The following ARFGEF2 variants were observed in gnomAD, a reference collection of about 807,000 sequenced individuals.
ARFGEF2 encodes the protein ARF guanine nucleotide exchange factor 2.
A neutral mutation model predicts 219.9 loss-of-function variants in ARFGEF2; 74 were observed. The observed-to-expected ratio is 0.34, with a 90% CI of 0.28 to 0.41. ARFGEF2 has a LOEUF of 0.41. ARFGEF2 is among the 10% of genes least tolerant of loss of function. The probability of loss-of-function intolerance (pLI) is 1.00; values close to 1 mark genes in which losing one functional copy is unlikely to be tolerated. For missense variants in ARFGEF2, 1,743 were observed against 2,218.3 expected (o/e 0.79, Z 4.30); for synonymous variants, 733 against 799.2 (o/e 0.92, Z 1.40).
chr20:48,978,606 G>A (rs1402416017), intron 14 of ARFGEF2, among the ~76,000 whole-genome samples: 1 of 152,172 alleles, frequency 6.6e-6, no homozygotes, highest in Non-Finnish European at 1.5e-5. Context: ...CCATGAGCAT[G>A]GAATGTTCTT....
intron 34 of ARFGEF2, among the ~76,000 whole-genome samples, chr20:49,021,399 C>G (rs958683234): frequency 6.6e-6 from 1 of 152,122 alleles, no homozygotes; most frequent in Non-Finnish European, 1.5e-5. Flanking sequence ...AAAGGAATCT[C>G]TACTGTTACT....
intron 5 of ARFGEF2, 77 bp from the exon 6 acceptor site, chr20:48,953,479 G>C: frequency 2.1e-6 from 3 of 1,417,646 alleles, no homozygotes; most frequent in Non-Finnish European, 3.0e-6. Context: ...CCCAGCCCAG[G>C]AAATTTTTTA....
rs553410110 is a variant in ARFGEF2, at chr20:48,999,067, C to G, written c.3432+562C>G. ...CCTGGCCAACATAGTGAAACCCCGT[C>G]ACCATTAAAAATGCAAAAAAATTAG... On this transcript the variant is annotated intron_variant, in intron 25 of 38. Transcript: ENST00000371917. 1.0e-3 allele frequency among the ~76,000 whole-genome samples: 154 copies of G among 152,200 alleles called. 1 individual carries two copies. The highest frequency in any genetic ancestry group is 3.4e-3 in the Middle Eastern group (1 of 294).
intron 28 of ARFGEF2, 35 bp downstream of exon 28, chr20:49,012,119 G>A: frequency 6.2e-7 from 1 of 1,613,726 alleles, no homozygotes; most frequent in Non-Finnish European, 8.5e-7. Context: ...GATGGGCAGT[G>A]AAGGGAAAAG....
intron 7 of ARFGEF2, 44 bp from the exon 8 acceptor site, chr20:48,965,828 A>T: frequency 6.2e-7 from 1 of 1,612,980 alleles, no homozygotes; most frequent in Non-Finnish European, 8.5e-7. Flanking sequence ...CTTTAGGGTA[A>T]GTACAGTACT....
At position 48,984,961 on chromosome 20, in the gene ARFGEF2, A is replaced by G. The variant is rs536442327; in HGVS notation, c.2070+121A>G. The G allele has an allele frequency of 4.3e-5, 66 of 1,549,048 alleles. 2 individuals are homozygous for G. In the Admixed American group the frequency reaches 9.7e-4, roughly 23 times the overall value. ...ATTGTCTGTTGTCCACCCCCGGGTTATACATTGTCTATTGTCCACCCCCGG... is the reference window on the plus strand; with the variant it reads ...ATTGTCTGTTGTCCACCCCCGGGTTGTACATTGTCTATTGTCCACCCCCGG... On this transcript the variant is annotated intron_variant, in intron 15 of 38. Coordinates refer to ENST00000371917, the MANE Select transcript of ARFGEF2 (RefSeq NM_006420.3).
intron 28 of ARFGEF2, among the ~76,000 whole-genome samples, chr20:49,012,494 G>C (rs1039946108): frequency 5.1e-4 from 48 of 94,664 alleles, no homozygotes; most frequent in African/African-American, 2.0e-3. Context: ...AAATGATGGG[G>C]TTTTTGTTTG....
chr20:48,947,887 T>G (rs1404731886), intron 3 of ARFGEF2, among the ~76,000 whole-genome samples: 1 of 152,122 alleles, frequency 6.6e-6, no homozygotes, highest in Non-Finnish European at 1.5e-5. Flanking sequence ...AAATTACATA[T>G]ATTGTAAAGC....
intron 5 of ARFGEF2, 21 bp downstream of exon 5, chr20:48,952,905 G>C (rs754360855): frequency 6.2e-7 from 1 of 1,613,244 alleles, no homozygotes; most frequent in Admixed American, 1.7e-5. Flanking sequence ...GCACTTACGT[G>C]CTAGGGGCAA....
intron 14 of ARFGEF2, 108 bp from the exon 15 acceptor site, chr20:48,984,621 G>A (rs985714743): frequency 7.9e-6 from 11 of 1,399,756 alleles, no homozygotes; most frequent in Middle Eastern, 2.2e-4. Flanking sequence ...TAGCTTATAC[G>A]TGATGGCATG....
chr20:49,005,919 G>A (rs1243023750), intron 26 of ARFGEF2, among the ~76,000 whole-genome samples: 1 of 152,052 alleles, frequency 6.6e-6, no homozygotes, highest in Non-Finnish European at 1.5e-5. Context: ...GCCCTGTGAA[G>A]CAGCCGTACT....
chr20:48,968,088 G>C (rs142221871), intron 8 of ARFGEF2, among the ~76,000 whole-genome samples: 2,041 of 152,148 alleles, frequency 0.013, 54 homozygotes, highest in African/African-American at 0.046. Context: ...CTGCCTCCCA[G>C]GTTCATGCCA....
intron 1 of ARFGEF2, among the ~76,000 whole-genome samples, chr20:48,923,504 C>G (rs2090856571): frequency 6.6e-6 from 1 of 152,082 alleles, no homozygotes; most frequent in South Asian, 2.1e-4. Flanking sequence ...AGTTGCTAGT[C>G]CGTGAAATTC....
intron 1 of ARFGEF2, among the ~76,000 whole-genome samples, chr20:48,936,822 G>A (rs548446128): frequency 5.1e-4 from 77 of 151,940 alleles, no homozygotes; most frequent in Admixed American, 3.1e-3. Context: ...CCACCACATC[G>A]GGCCTTGATT....
chr20:48,965,397 G>A (rs1359839288), intron 7 of ARFGEF2, among the ~76,000 whole-genome samples: 2 of 152,032 alleles, frequency 1.3e-5, no homozygotes, highest in African/African-American at 4.8e-5. Flanking sequence ...TGAAATCTGT[G>A]TAATTCTTTA....
chr20:48,969,387 T>C, intron 9 of ARFGEF2, 110 bp downstream of exon 9: 1 of 1,596,566 alleles, frequency 6.3e-7, no homozygotes, highest in Non-Finnish European at 8.6e-7. Flanking sequence ...TGTCTCTTTG[T>C]CAGTGTAAGT....
At chr20:49,022,974 C>T (rs1483395924) in intron 34 of ARFGEF2, 77 bp from the exon 35 acceptor site, 5 of 1,586,236 alleles carry the variant, frequency 3.2e-6, no homozygotes, top group Non-Finnish European at 3.5e-6. Context: ...ATGCCTTGCA[C>T]ATAGTAGGAG....
rs148521101 is a variant in ARFGEF2, at chr20:48,951,884, A to G, written c.423+415A>G. On this transcript the variant is annotated intron_variant, in intron 4 of 38. Coordinates refer to ENST00000371917, the MANE Select transcript of ARFGEF2 (RefSeq NM_006420.3). ...GATAGTACCATCTGCTTGTCTGAGA[A>G]CAGGATCAGGACAGGTGTAGCCAAG... Among the ~76,000 whole-genome samples, 109 of 152,234 alleles carry G rather than the reference A, an allele frequency of 7.2e-4. 1 individual carries two copies. Among genetic ancestry groups the G allele is most frequent in the South Asian group, 2.3e-3 (11 of 4,826 alleles).
intron 1 of ARFGEF2, among the ~76,000 whole-genome samples, chr20:48,934,750 A>G (rs894609933): frequency 3.9e-5 from 6 of 152,182 alleles, no homozygotes; most frequent in Non-Finnish European, 7.3e-5. Flanking sequence ...TATCCAGTCT[A>G]TCATTAATGG....
Sources: allele counts gnomAD v4.1 joint callset (sites outside exome capture counted in the v4.1 genomes callset), GRCh38; gene constraint gnomAD v4.1.1; transcripts MANE v1.5; gene names NCBI Gene and HGNC (gene_info 2026-07-23, HGNC 2026-07-21).